The following SLC7A1 variants were observed in gnomAD, a reference collection of about 807,000 sequenced individuals.
SLC7A1 encodes high affinity cationic amino acid transporter 1.
SLC7A1 carries 10 observed loss-of-function variants against 53.9 expected under a neutral mutation model. The observed-to-expected ratio is 0.19, with a 90% CI of 0.11 to 0.31. The LOEUF (loss-of-function observed/expected upper bound fraction) is 0.31. Among genes scored for constraint, SLC7A1 ranks in the 10% least tolerant of loss-of-function variants. SLC7A1 has a pLI of 1.00. For synonymous variants in SLC7A1, 342 were observed against 338.7 expected (o/e 1.01, Z -0.11); for missense variants, 525 against 827.2 (o/e 0.63, Z 4.48).
rs1756440 is a variant in SLC7A1, at chr13:29,567,480, G to C, written c.-114-13620C>G. On this transcript the variant is annotated intron_variant, in intron 1 of 12. Coordinates refer to ENST00000380752, the MANE Select transcript of SLC7A1 (RefSeq NM_003045.5). Reference sequence around the variant, plus strand: ...GGCAAAAAAGTCATCCGGGAGGATAGGAAAAGACATGCCCAACTCAGTGAG... The same window carrying C: ...GGCAAAAAAGTCATCCGGGAGGATACGAAAAGACATGCCCAACTCAGTGAG... Among the ~76,000 whole-genome samples the C allele has an allele frequency of 2.8e-3, 420 of 152,334 alleles. 3 individuals are homozygous for C. The highest frequency in any genetic ancestry group is 9.5e-3 in the African/African-American group (394 of 41,582).
intron 2 of SLC7A1, among the ~76,000 whole-genome samples, chr13:29,536,682 C>A (rs1164516268): frequency 3.9e-5 from 6 of 152,110 alleles, no homozygotes; most frequent in Non-Finnish European, 7.4e-5. Context: ...CCCTGAATGG[C>A]AATAACAATG....
At chr13:29,532,778 T>C in intron 4 of SLC7A1, 46 bp downstream of exon 4, 1 of 1,534,484 alleles carries the variant, frequency 6.5e-7, no homozygotes, top group Non-Finnish European at 8.9e-7. Context: ...TCACCAAACC[T>C]TTGCCCATCA....
chr13:29,517,880 G>T (rs1868431290), intron 9 of SLC7A1, 90 bp from the exon 10 acceptor site: 2 of 961,636 alleles, frequency 2.1e-6, no homozygotes, highest in East Asian at 4.9e-5. Context: ...TCCAAAGTGA[G>T]CTGCCCGGGA....
chr13:29,533,519 T>C (rs1256176894), intron 3 of SLC7A1, among the ~76,000 whole-genome samples: 2 of 152,170 alleles, frequency 1.3e-5, no homozygotes, highest in Non-Finnish European at 2.9e-5. Flanking sequence ...AGGAAGTCCT[T>C]GAAGGGGCTG....
At chr13:29,555,608 G>T (rs904151080) in intron 1 of SLC7A1, among the ~76,000 whole-genome samples, 3 of 151,390 alleles carry the variant, frequency 2.0e-5, no homozygotes, top group Non-Finnish European at 2.9e-5. Context: ...CCCACTGCAG[G>T]GTGGCTGCCA....
intron 1 of SLC7A1, among the ~76,000 whole-genome samples, chr13:29,569,126 C>T (rs755687493): frequency 6.6e-6 from 1 of 152,180 alleles, no homozygotes; most frequent in Non-Finnish European, 1.5e-5. Context: ...TCTGAAATCG[C>T]ATCCTGTTTG....
rs1051523159 is a variant in SLC7A1 at position 29,509,600 on chromosome 13, G to A, written c.*4880C>T. 4 of 152,528 alleles carry A rather than the reference G, an allele frequency of 2.6e-5. No homozygotes were observed. Among genetic ancestry groups the A allele is most frequent in the Admixed American group, 2.6e-4 (4 of 15,266 alleles). The allele number at this position is 152,528 out of a possible 1,614,324, so 9.4% of individuals were successfully genotyped here. A position where few individuals can be genotyped will look rare whatever the true frequency, so the allele number is the denominator to read the frequency against. ...GACGACAACTACACTTGTCCTTAAA[G>A]TAAAATAAAAGCAGGAGAGACCCAG... is the stretch of plus-strand genomic sequence containing the variant. On this transcript the variant is annotated 3_prime_UTR_variant, in exon 13 of 13. Coordinates refer to ENST00000380752, the MANE Select transcript of SLC7A1 (RefSeq NM_003045.5).
chr13:29,568,732 A>AG (rs1446966261), intron 1 of SLC7A1, among the ~76,000 whole-genome samples: 4 of 152,240 alleles, frequency 2.6e-5, no homozygotes, highest in Admixed American at 2.6e-4. Context: ...AAGAGAAAGA[A>AG]GAAAAAGGAG....
intron 8 of SLC7A1, 129 bp downstream of exon 8, chr13:29,522,188 G>C (rs1281006403): frequency 6.3e-6 from 6 of 950,776 alleles, no homozygotes; most frequent in Non-Finnish European, 9.7e-6. Context: ...CAGGCTCCAA[G>C]TATAAAAACC....
chr13:29,515,898 C>T (rs964653905), intron 12 of SLC7A1, among the ~76,000 whole-genome samples: 1 of 152,252 alleles, frequency 6.6e-6, no homozygotes, highest in East Asian at 1.9e-4. Context: ...GCAGCAGACT[C>T]ATCACCTTGT....
intron 9 of SLC7A1, 93 bp from the exon 10 acceptor site, chr13:29,517,883 G>T (rs1015864396): frequency 2.2e-6 from 2 of 919,488 alleles, no homozygotes; most frequent in Middle Eastern, 3.2e-4. Flanking sequence ...AAAGTGAGCT[G>T]CCCGGGACAC....
chr13:29,554,754 TAGAC>T (rs769863394), intron 1 of SLC7A1, among the ~76,000 whole-genome samples: 25 of 152,340 alleles, frequency 1.6e-4, no homozygotes, highest in East Asian at 5.8e-4. Context: ...TTTTATAACT[TAGAC>T]AGCAGCAAAC....
At chr13:29,523,062 A>G (rs1447631979) in intron 7 of SLC7A1, among the ~76,000 whole-genome samples, 2 of 152,178 alleles carry the variant, frequency 1.3e-5, no homozygotes, top group Non-Finnish European at 2.9e-5. Context: ...GTTCTTCTCA[A>G]TAACACAACT....
chr13:29,569,112 C>T (rs572466602), intron 1 of SLC7A1, among the ~76,000 whole-genome samples: 1 of 152,166 alleles, frequency 6.6e-6, no homozygotes, highest in Non-Finnish European at 1.5e-5. Context: ...CTCTCTGCCC[C>T]ATGTCTGAAA....
chr13:29,576,293 T>TAAAAAAAAAAAAAAAAAA (rs3069134), intron 1 of SLC7A1, among the ~76,000 whole-genome samples: 2 of 124,966 alleles, frequency 1.6e-5, no homozygotes, highest in Non-Finnish European at 3.1e-5. Context: ...TCCTGTTTTT[T>TAAAAAAAAAAAAAAAAAA]AAAAAAAAAA....
chr13:29,566,684 A>C (rs1456586384), intron 1 of SLC7A1, among the ~76,000 whole-genome samples: 1 of 152,190 alleles, frequency 6.6e-6, no homozygotes, highest in Non-Finnish European at 1.5e-5. Context: ...AATTAGGGCG[A>C]TGGCTGCATA....
chr13:29,544,148 C>G (rs1257937202), intron 2 of SLC7A1, among the ~76,000 whole-genome samples: 1 of 152,172 alleles, frequency 6.6e-6, no homozygotes, highest in Non-Finnish European at 1.5e-5. Flanking sequence ...CAGGAAGGAA[C>G]CCAGTGCGAT....
intron 1 of SLC7A1, among the ~76,000 whole-genome samples, chr13:29,591,535 C>T (rs1359800889): frequency 2.0e-5 from 3 of 150,930 alleles, no homozygotes; most frequent in Admixed American, 2.0e-4. Flanking sequence ...ACTCACTGTG[C>T]AGGACACGGC....
chr13:29,556,097 A>G (rs1166980927), intron 1 of SLC7A1, among the ~76,000 whole-genome samples: 1 of 152,214 alleles, frequency 6.6e-6, no homozygotes, highest in Non-Finnish European at 1.5e-5. Context: ...CTCCCTTTCT[A>G]GGTACATCCC....
Sources: allele counts gnomAD v4.1 joint callset (sites outside exome capture counted in the v4.1 genomes callset), GRCh38; gene constraint gnomAD v4.1.1; transcripts MANE v1.5; gene names NCBI Gene and HGNC (gene_info 2026-07-23, HGNC 2026-07-21).